RXRG: variants seen among roughly 807,000 people sequenced by gnomAD.
The protein encoded by RXRG is retinoic acid receptor RXR-gamma.
RXRG carries 19 observed loss-of-function variants against 49.2 expected under a neutral mutation model. That is an observed-to-expected ratio of 0.39 (90% CI 0.27 to 0.57). The LOEUF (loss-of-function observed/expected upper bound fraction) is 0.57, where lower values mean the gene tolerates loss of function less well. Among genes scored for constraint, RXRG ranks in the 20% least tolerant of loss-of-function variants. RXRG has a pLI of 0.64. For synonymous variants in RXRG, 224 were observed against 216.6 expected (o/e 1.03, Z -0.30); for missense variants, 452 against 592.5 (o/e 0.76, Z 2.46).
At chr1:165,414,611 A>G (rs1658069800) in intron 4 of RXRG, among the ~76,000 whole-genome samples, 2 of 152,288 alleles carry the variant, frequency 1.3e-5, no homozygotes, top group African/African-American at 2.4e-5. Flanking sequence ...TTTAGGAGGG[A>G]AAAAAATGAC....
chr1:165,418,844 G>A (rs1658219382), intron 3 of RXRG, among the ~76,000 whole-genome samples: 1 of 152,324 alleles, frequency 6.6e-6, no homozygotes, highest in African/African-American at 2.4e-5. Context: ...TGCTATTATG[G>A]CAATGGCCAA....
chr1:165,431,844 T>A (rs898801029), intron 1 of RXRG, among the ~76,000 whole-genome samples: 22 of 152,096 alleles, frequency 1.4e-4, no homozygotes, highest in African/African-American at 4.3e-4. Flanking sequence ...AAAAAAAAAA[T>A]TAATAGTTTT....
rs1251711422 is a variant in RXRG at position 165,428,809 on chromosome 1, T to C, written c.207A>G (p.Pro69=). ...VGTPLNALGS[P]YRVITSAMGP... is the part of the protein sequence containing the mutation. ...CCATGGCAGAGGTGATGACTCGATATGGAGAGCCCAGGGCATTGAGGGGGG... is the reference window on the plus strand; with the variant it reads ...CCATGGCAGAGGTGATGACTCGATACGGAGAGCCCAGGGCATTGAGGGGGG... Residue 69 remains proline (P), a synonymous_variant, in exon 2 of 10, where the codon CCA becomes CCG. Transcript: ENST00000359842. 1.3e-5 allele frequency: 21 copies of C among 1,614,062 alleles called. No homozygotes were observed. Among genetic ancestry groups the C allele is most frequent in the Non-Finnish European group, 1.6e-5 (19 of 1,179,954 alleles).
chr1:165,419,383 G>A (rs1348472474), intron 3 of RXRG, among the ~76,000 whole-genome samples: 1 of 151,672 alleles, frequency 6.6e-6, no homozygotes, highest in African/African-American at 2.4e-5. Flanking sequence ...TCTGGGAGGG[G>A]TTATTCTTAA....
At chr1:165,416,071 G>A (rs1237804637) in intron 4 of RXRG, among the ~76,000 whole-genome samples, 5 of 152,156 alleles carry the variant, frequency 3.3e-5, no homozygotes, top group African/African-American at 1.2e-4. Context: ...ACTTTTAGCA[G>A]GGACACAAAG....
chr1:165,410,257 G>A (rs772810305), intron 6 of RXRG, among the ~76,000 whole-genome samples: 5 of 152,216 alleles, frequency 3.3e-5, no homozygotes, highest in South Asian at 2.1e-4. Flanking sequence ...ATATGTCAAC[G>A]GCCTGCAAGT....
intron 9 of RXRG, among the ~76,000 whole-genome samples, chr1:165,402,746 GC>G (rs1657622258): frequency 6.6e-6 from 1 of 151,132 alleles, no homozygotes; most frequent in South Asian, 2.1e-4. Flanking sequence ...ACACACTCAT[GC>G]ACACACACCT....
intron 2 of RXRG, among the ~76,000 whole-genome samples, chr1:165,425,791 C>A (rs188737439): frequency 6.6e-6 from 1 of 152,222 alleles, no homozygotes; most frequent in Non-Finnish European, 1.5e-5. Flanking sequence ...TCTGCTCCTG[C>A]GTCTATGACA....
At position 165,401,348 on chromosome 1, in the gene RXRG, T is replaced by C. The variant is rs2101696635; in HGVS notation, c.1307A>G (p.His436Arg). ...LRSIGLKCLE[H>R]LFFFKLIGDT... is the part of the protein sequence containing the mutation. The stretch of plus-strand genomic sequence containing the variant: ...CCCGATGAGCTTGAAGAAGAAGAGG[T>C]GCTCCAGGCATTTCAAGCCAATGGA... The change falls in exon 10 of 10, where the codon CAC becomes CGC. Residue 436 changes from histidine (H) to arginine (R), a missense_variant. This residue lies in a region of RXRG where 286 missense variants were observed against 440.9 expected (regional missense o/e 0.65). Coordinates refer to ENST00000359842, the MANE Select transcript of RXRG (RefSeq NM_006917.5). The C allele has an allele frequency of 1.9e-6, 3 of 1,613,918 alleles. No homozygotes were observed. The highest frequency in any genetic ancestry group is 2.5e-6 in the Non-Finnish European group (3 of 1,179,984).
At chr1:165,410,289 A>G (rs1452688348) in intron 6 of RXRG, among the ~76,000 whole-genome samples, 1 of 152,214 alleles carries the variant, frequency 6.6e-6, no homozygotes, top group African/African-American at 2.4e-5. Flanking sequence ...AGGAGGCAAA[A>G]GAAAATACAG....
chr1:165,420,037 AAAG>A (rs768807838), intron 2 of RXRG, 23 bp from the exon 3 acceptor site: 1 of 1,571,606 alleles, frequency 6.4e-7, no homozygotes, highest in East Asian at 2.3e-5. Flanking sequence ...AAAATACTGT[AAAG>A]CACAGAGCCA....
In RXRG at chr1:165,420,020, A is replaced by G. The variant is rs1399944771; in HGVS notation, c.298-6T>C. On this transcript the variant is annotated splice_region_variant and splice_polypyrimidine_tract_variant and intron_variant, in intron 2 of 9. Transcript: ENST00000359842. ...ACACTGTTGACCACATTTAGCTGCA[A>G]GAGAAAAAAATACTGTAAAGCACAG... 6.3e-7 allele frequency: 1 copy of G among 1,591,566 alleles called. No homozygotes were observed. Among genetic ancestry groups the G allele is most frequent in the African/African-American group, 1.3e-5 (1 of 74,234 alleles).
intron 1 of RXRG, among the ~76,000 whole-genome samples, chr1:165,439,864 C>A (rs764650534): frequency 4.0e-4 from 61 of 152,192 alleles, no homozygotes; most frequent in Non-Finnish European, 7.8e-4. Context: ...ATAGGAAAGT[C>A]CCCTTGAATA....
chr1:165,438,103 G>T (rs1487227336), intron 1 of RXRG, among the ~76,000 whole-genome samples: 1 of 152,164 alleles, frequency 6.6e-6, no homozygotes, highest in African/African-American at 2.4e-5. Context: ...ATAGACGGTG[G>T]CCTCCAGGAG....
At chr1:165,419,571 A>G (rs1658241393) in intron 3 of RXRG, among the ~76,000 whole-genome samples, 1 of 152,176 alleles carries the variant, frequency 6.6e-6, no homozygotes, top group South Asian at 2.1e-4. Flanking sequence ...CACCACACCC[A>G]GCAGAAATAC....
chr1:165,419,699 A>G (rs1269681392), intron 3 of RXRG, among the ~76,000 whole-genome samples, 171 bp downstream of exon 3: 1 of 152,246 alleles, frequency 6.6e-6, no homozygotes, highest in Non-Finnish European at 1.5e-5. Flanking sequence ...CATCCTTTAA[A>G]TTCATCAAAA....
At chr1:165,402,822 C>T (rs540166000) in intron 9 of RXRG, among the ~76,000 whole-genome samples, 1 of 152,326 alleles carries the variant, frequency 6.6e-6, no homozygotes, top group African/African-American at 2.4e-5. Context: ...CATCCACACA[C>T]TCATGCTCTC....
intron 1 of RXRG, among the ~76,000 whole-genome samples, chr1:165,430,808 G>T (rs1007239442): frequency 4.6e-5 from 7 of 152,214 alleles, no homozygotes; most frequent in African/African-American, 1.7e-4. Flanking sequence ...GCCTTTTGCA[G>T]ATGAGAAAAC....
chr1:165,411,214 T>C (rs1657936635), intron 4 of RXRG, 105 bp from the exon 5 acceptor site: 1 of 1,148,542 alleles, frequency 8.7e-7, no homozygotes, highest in Non-Finnish European at 1.2e-6. Flanking sequence ...GAAAGGGGAA[T>C]CATTATGATC....
Sources: allele counts gnomAD v4.1 joint callset (sites outside exome capture counted in the v4.1 genomes callset), GRCh38; gene constraint gnomAD v4.1.1; regional missense constraint gnomAD v4.1.1; transcripts MANE v1.5; gene names NCBI Gene and HGNC (gene_info 2026-07-23, HGNC 2026-07-21).